The following XIRP2 variants were observed in gnomAD, a reference collection of about 807,000 sequenced individuals.
XIRP2 encodes the protein xin actin-binding repeat-containing protein 2.
In XIRP2, 236 loss-of-function variants were observed where a neutral mutation model predicts 277.0. The observed-to-expected ratio is 0.85, with a 90% CI of 0.77 to 0.95. The LOEUF is 0.95. Ranked by LOEUF, XIRP2 falls within the 40% of genes least tolerant of loss-of-function variation. XIRP2 has a pLI of 0.00. For synonymous variants in XIRP2, 1,490 were observed against 1,416.5 expected (o/e 1.05, Z -1.17); for missense variants, 4,640 against 4,157.5 (o/e 1.12, Z -3.19).
chr2:167,143,261 A>G (rs1438560433), intron 3 of XIRP2, among the ~76,000 whole-genome samples: 1 of 152,176 alleles, frequency 6.6e-6, no homozygotes, highest in Non-Finnish European at 1.5e-5. Context: ...AGGTTCATAA[A>G]CAGATGTCAA....
chr2:166,943,344 C>T (rs1429729258), intron 2 of XIRP2, among the ~76,000 whole-genome samples: 1 of 152,138 alleles, frequency 6.6e-6, no homozygotes, highest in Non-Finnish European at 1.5e-5. Flanking sequence ...AGGTGAAACA[C>T]TTTTTGGGGA....
At chr2:167,207,597 T>C (rs1254694693) in intron 3 of XIRP2, among the ~76,000 whole-genome samples, 1 of 152,138 alleles carries the variant, frequency 6.6e-6, no homozygotes, top group African/African-American at 2.4e-5. Flanking sequence ...CATAATGAAT[T>C]TCTGTAGCCT....
intron 2 of XIRP2, among the ~76,000 whole-genome samples, chr2:166,998,767 C>T (rs1471026943): frequency 6.6e-6 from 1 of 152,148 alleles, no homozygotes; most frequent in Non-Finnish European, 1.5e-5. Flanking sequence ...CCACTTTAAC[C>T]AATCAAATAT....
intron 2 of XIRP2, among the ~76,000 whole-genome samples, chr2:167,072,871 T>C (rs1240215902): frequency 6.6e-6 from 1 of 152,224 alleles, no homozygotes; most frequent in East Asian, 1.9e-4. Context: ...GAAGGCCGCA[T>C]ATTTTGCATA....
At chr2:166,965,305 G>A (rs1187184779) in intron 2 of XIRP2, among the ~76,000 whole-genome samples, 1 of 151,832 alleles carries the variant, frequency 6.6e-6, no homozygotes, top group Non-Finnish European at 1.5e-5. Context: ...CTATTGTCCT[G>A]ACTCTTAGCA....
At chr2:166,938,548 G>C (rs949576372) in intron 2 of XIRP2, among the ~76,000 whole-genome samples, 1 of 152,204 alleles carries the variant, frequency 6.6e-6, no homozygotes, top group African/African-American at 2.4e-5. Flanking sequence ...GTGTGGTATG[G>C]TGCTGAGAAG....
Position 167,036,981 on chromosome 2 carries a change from C to T in XIRP2, c.409-98928C>T, listed in dbSNP as rs549498173. Among the ~76,000 whole-genome samples, 10 of 152,282 alleles carry T rather than the reference C, an allele frequency of 6.6e-5. No individual in the cohort carries two copies. In the South Asian group the frequency reaches 2.1e-3, roughly 32 times the overall value. On this transcript the variant is annotated intron_variant, in intron 2 of 10. Coordinates refer to ENST00000409195, the MANE Select transcript of XIRP2 (RefSeq NM_152381.6). ...GTGCCTTTCACCCTCCGCCATGATT[C>T]TGAGGCCTCCCTAGCCATGTGGAAC... is the stretch of plus-strand genomic sequence containing the variant.
intron 3 of XIRP2, among the ~76,000 whole-genome samples, chr2:167,165,778 A>G (rs1414026518): frequency 6.6e-6 from 1 of 152,146 alleles, no homozygotes; most frequent in Non-Finnish European, 1.5e-5. Context: ...ATTTTCTCCC[A>G]GGCCATGGCT....
At chr2:167,070,334 C>G (rs902898610) in intron 2 of XIRP2, among the ~76,000 whole-genome samples, 1 of 152,022 alleles carries the variant, frequency 6.6e-6, no homozygotes, top group African/African-American at 2.4e-5. Flanking sequence ...TTTGTCCTCT[C>G]TTTCTATGAC....
At chr2:167,215,668 C>G (rs1694225800) in intron 4 of XIRP2, among the ~76,000 whole-genome samples, 1 of 152,124 alleles carries the variant, frequency 6.6e-6, no homozygotes, top group South Asian at 2.1e-4. Flanking sequence ...CTGGGTCAGA[C>G]CTCAGGAGAC....
chr2:167,243,146 C>A lies in XIRP2; in HGVS notation c.1754C>A (p.Pro585Gln). Residue 585 changes from proline (P) to glutamine (Q), a missense_variant, in exon 9 of 11, where the codon CCA becomes CAA. By Grantham distance (76) the Pro-to-Gln change is moderately conservative. Transcript: ENST00000409195. ...QSIRWIFENQ[P>Q]LDSINNGSPD... The stretch of plus-strand genomic sequence containing the variant: ...ATTAGATGGATCTTTGAGAATCAAC[C>A]ATTGGATTCCATCAACAATGGCTCT... 12 of 1,614,068 alleles carry A rather than the reference C, an allele frequency of 7.4e-6. No homozygotes were observed. Among genetic ancestry groups the A allele is most frequent in the South Asian group, 1.1e-5 (1 of 91,074 alleles).
At chr2:167,091,971 A>G (rs1449564065) in intron 2 of XIRP2, among the ~76,000 whole-genome samples, 2 of 152,152 alleles carry the variant, frequency 1.3e-5, no homozygotes, top group Non-Finnish European at 2.9e-5. Context: ...ACTTGAGGAT[A>G]AAAGCAACAC....
intron 2 of XIRP2, among the ~76,000 whole-genome samples, chr2:167,015,024 A>G (rs1234955252): frequency 6.6e-6 from 1 of 151,770 alleles, no homozygotes; most frequent in Non-Finnish European, 1.5e-5. Flanking sequence ...AAACTAAAAC[A>G]TTTGTAGTGG....
intron 2 of XIRP2, among the ~76,000 whole-genome samples, chr2:166,925,089 T>G (rs1169162923): frequency 1.3e-5 from 2 of 152,068 alleles, no homozygotes; most frequent in Admixed American, 6.6e-5. Context: ...TTTCAGGCTA[T>G]GCATTCACAA....
chr2:167,093,456 C>A (rs536667646), intron 2 of XIRP2, among the ~76,000 whole-genome samples: 2 of 151,982 alleles, frequency 1.3e-5, no homozygotes, highest in African/African-American at 4.8e-5. Flanking sequence ...TCCTAATGCT[C>A]TCCCTCCCTT....
chr2:167,104,680 T>C (rs1690568854), intron 2 of XIRP2, among the ~76,000 whole-genome samples: 1 of 152,100 alleles, frequency 6.6e-6, no homozygotes, highest in African/African-American at 2.4e-5. Flanking sequence ...TATTTTACTG[T>C]TGCTTATTTT....
At chr2:167,001,239 C>T (rs1168320458) in intron 2 of XIRP2, among the ~76,000 whole-genome samples, 2 of 152,058 alleles carry the variant, frequency 1.3e-5, no homozygotes, top group African/African-American at 4.8e-5. Context: ...TCATCAATAG[C>T]TGTGTCTGCA....
intron 2 of XIRP2, among the ~76,000 whole-genome samples, chr2:167,004,298 G>A (rs1687449457): frequency 2.0e-5 from 3 of 151,744 alleles, no homozygotes; most frequent in Admixed American, 1.3e-4. Flanking sequence ...TGAAATCTGA[G>A]ACCAAAAGGA....
chr2:166,997,406 A>G (rs1687248855), intron 2 of XIRP2, among the ~76,000 whole-genome samples: 1 of 152,180 alleles, frequency 6.6e-6, no homozygotes, highest in Non-Finnish European at 1.5e-5. Context: ...TACACAAAAA[A>G]ATGTTTAAAT....
Sources: gnomAD v4.1 joint callset for allele counts (sites outside exome capture counted in the v4.1 genomes callset) on GRCh38, gnomAD v4.1.1 for gene constraint, MANE v1.5 for transcripts, NCBI Gene and HGNC (gene_info 2026-07-23, HGNC 2026-07-21) for gene names.